Variants in DMXL2 observed in about 807,000 individuals in gnomAD.
The protein encoded by DMXL2 is dmX-like protein 2.
Under a neutral mutation model 331.1 loss-of-function variants are expected in DMXL2, and 103 were observed. The observed-to-expected ratio is 0.31, with a 90% CI of 0.27 to 0.37. DMXL2 has a LOEUF of 0.37. Among genes scored for constraint, DMXL2 ranks in the 10% least tolerant of loss-of-function variants. The pLI is 1.00. For missense variants in DMXL2, 3,171 were observed against 3,642.9 expected, an observed-to-expected ratio of 0.87 and a Z score of 3.33; for synonymous variants, 1,281 against 1,252.1, an observed-to-expected ratio of 1.02 and a Z score of -0.49.
At chr15:51,468,527 C>A (rs553636426) in intron 29 of DMXL2, among the ~76,000 whole-genome samples, 3 of 152,176 alleles carry the variant, frequency 2.0e-5, no homozygotes, top group African/African-American at 2.4e-5. Flanking sequence ...CTGAAGGATG[C>A]TTGGGAACCA....
In DMXL2 at chr15:51,475,106, C is replaced by T. The variant is rs138882662; in HGVS notation, c.6965-514G>A. 2.0e-5 allele frequency among the ~76,000 whole-genome samples: 3 copies of T among 152,280 alleles called. No individual in the cohort carries two copies. The East Asian group carries it at 5.8e-4, about 29-fold the overall frequency. ...GTTAACAGCAGCTGGGGCCAAATGA[C>T]ATCATATGCCTCTTGATATCTCCTA... On this transcript the variant is annotated intron_variant, in intron 27 of 43. Coordinates refer to ENST00000560891, the MANE Select transcript of DMXL2 (RefSeq NM_001378457.1).
chr15:51,524,656 A>G (rs1207237691), intron 13 of DMXL2, among the ~76,000 whole-genome samples: 1 of 152,158 alleles, frequency 6.6e-6, no homozygotes, highest in Non-Finnish European at 1.5e-5. Context: ...TATATAGCAG[A>G]AAGAAAAACC....
intron 3 of DMXL2, among the ~76,000 whole-genome samples, chr15:51,566,230 GGGGT>G (rs2050264471): frequency 8.7e-6 from 1 of 115,572 alleles, no homozygotes; most frequent in African/African-American, 3.3e-5. Flanking sequence ...ATGTGTGTGT[GGGGT>G]GTGTGTGTGT....
chr15:51,537,662 A>C lies in DMXL2; in HGVS notation c.1443T>G (p.Ser481Arg). 3 of 1,613,950 alleles carry C rather than the reference A, an allele frequency of 1.9e-6. No homozygotes were observed. The highest frequency in any genetic ancestry group is 2.5e-6 in the Non-Finnish European group (3 of 1,179,890). The change falls in exon 11 of 44, where the codon AGT becomes AGG. Residue 481 changes from serine (S) to arginine (R), a missense_variant. Physicochemically the swap from Ser to Arg is moderately radical, Grantham distance 110 (BLOSUM62 -1). Coordinates refer to ENST00000560891, the MANE Select transcript of DMXL2 (RefSeq NM_001378457.1). ...EGSPRTYSRL[S>R]VPMPLPTVLL... Reference sequence around the variant, plus strand: ...GAACCGTAGGCAGTGGCATTGGTACACTAAGTCGTGAGTAAGTTCTAGGAC... The same window carrying C: ...GAACCGTAGGCAGTGGCATTGGTACCCTAAGTCGTGAGTAAGTTCTAGGAC...
At chr15:51,550,631 T>C (rs922985772) in intron 6 of DMXL2, among the ~76,000 whole-genome samples, 1 of 152,140 alleles carries the variant, frequency 6.6e-6, no homozygotes. Context: ...GAAAACAGGA[T>C]ACTTTAAATT....
intron 1 of DMXL2, among the ~76,000 whole-genome samples, chr15:51,609,729 G>C (rs2053829819): frequency 6.6e-6 from 1 of 152,106 alleles, no homozygotes; most frequent in Non-Finnish European, 1.5e-5. Flanking sequence ...AGGAGTTTGA[G>C]ACCAGCCTGG....
intron 40 of DMXL2, among the ~76,000 whole-genome samples, chr15:51,454,325 C>A (rs891989728): frequency 6.6e-6 from 1 of 152,072 alleles, no homozygotes; most frequent in Non-Finnish European, 1.5e-5. Flanking sequence ...CATCACCTTC[C>A]ACCCTCCCCC....
intron 26 of DMXL2, among the ~76,000 whole-genome samples, chr15:51,477,638 A>C (rs1226921278): frequency 6.6e-6 from 1 of 152,094 alleles, no homozygotes; most frequent in Non-Finnish European, 1.5e-5. Context: ...TACTATTATA[A>C]ACTTTTCATT....
intron 1 of DMXL2, among the ~76,000 whole-genome samples, chr15:51,590,259 C>T (rs754240985): frequency 3.9e-5 from 6 of 152,196 alleles, no homozygotes; most frequent in Non-Finnish European, 7.3e-5. Context: ...AGAAATGTAG[C>T]AGGTATTAAC....
intron 14 of DMXL2, among the ~76,000 whole-genome samples, chr15:51,515,316 C>T (rs1205464010): frequency 6.6e-6 from 1 of 151,842 alleles, no homozygotes; most frequent in East Asian, 1.9e-4. Context: ...GATGGCTCCC[C>T]CAGAGATTTC....
intron 25 of DMXL2, 37 bp downstream of exon 25, chr15:51,479,911 G>A: frequency 7.2e-7 from 1 of 1,388,346 alleles, no homozygotes; most frequent in Non-Finnish European, 9.6e-7. Flanking sequence ...ACCTTCTCAG[G>A]GTGTATAATA....
chr15:51,615,067 A>G (rs2054207004), intron 1 of DMXL2, among the ~76,000 whole-genome samples: 1 of 152,218 alleles, frequency 6.6e-6, no homozygotes, highest in Admixed American at 6.5e-5. Context: ...TAGATACGGG[A>G]CATAAATGGA....
intron 26 of DMXL2, among the ~76,000 whole-genome samples, 164 bp downstream of exon 26, chr15:51,478,106 CT>C (rs1175332573): frequency 6.6e-6 from 1 of 152,012 alleles, no homozygotes; most frequent in African/African-American, 2.4e-5. Flanking sequence ...TAGGTGACAA[CT>C]AAACAAATAA....
At chr15:51,576,592 A>G (rs1436350467) in intron 1 of DMXL2, among the ~76,000 whole-genome samples, 1 of 152,218 alleles carries the variant, frequency 6.6e-6, no homozygotes, top group Non-Finnish European at 1.5e-5. Context: ...CTTAAGAAAT[A>G]TCAAGATAGA....
chr15:51,574,857 C>T (rs1055769568), intron 2 of DMXL2, among the ~76,000 whole-genome samples: 5 of 152,120 alleles, frequency 3.3e-5, no homozygotes, highest in African/African-American at 7.2e-5. Context: ...GTGTTCATTG[C>T]GATTATCACC....
At chr15:51,493,032 A>G (rs1371929694) in intron 19 of DMXL2, among the ~76,000 whole-genome samples, 5 of 152,206 alleles carry the variant, frequency 3.3e-5, no homozygotes, top group Non-Finnish European at 5.9e-5. Context: ...CAACACTCAT[A>G]TAACAACTGT....
chr15:51,577,471 A>G (rs2051125509), intron 1 of DMXL2, among the ~76,000 whole-genome samples: 1 of 152,226 alleles, frequency 6.6e-6, no homozygotes, highest in Admixed American at 6.5e-5. Flanking sequence ...AGAAAAGCAA[A>G]GACAGAATTT....
intron 15 of DMXL2, among the ~76,000 whole-genome samples, chr15:51,513,533 G>C (rs550919394): frequency 6.6e-6 from 1 of 152,264 alleles, no homozygotes; most frequent in Admixed American, 6.5e-5. Context: ...AAGCTTCTTA[G>C]AATACAGGAC....
intron 1 of DMXL2, among the ~76,000 whole-genome samples, chr15:51,585,551 G>A (rs748320790): frequency 3.7e-4 from 56 of 152,106 alleles, no homozygotes; most frequent in Middle Eastern, 3.4e-3. Context: ...TGATATATGC[G>A]TATGTGTCCA....
Sources: allele counts gnomAD v4.1 joint callset (sites outside exome capture counted in the v4.1 genomes callset), GRCh38; gene constraint gnomAD v4.1.1; transcripts MANE v1.5; gene names NCBI Gene and HGNC (gene_info 2026-07-23, HGNC 2026-07-21).